The following XYLT1 variants were observed in gnomAD, a reference collection of about 807,000 sequenced individuals.
XYLT1 encodes the protein xylosyltransferase 1, also known as beta-D-xylosyltransferase 1.
In XYLT1, 36 loss-of-function variants were observed where a neutral mutation model predicts 91.3. The ratio of observed to expected loss-of-function variants is 0.39; its 90% CI spans 0.30 to 0.52. XYLT1 has a LOEUF of 0.52. XYLT1 is among the 20% of genes least tolerant of loss of function. The pLI, the probability that XYLT1 is intolerant of heterozygous loss-of-function variation, is 0.68. For synonymous variants in XYLT1, 588 were observed against 532.0 expected (o/e 1.11, Z -1.45); for missense variants, 1,242 against 1,284.5 (o/e 0.97, Z 0.51).
chr16:17,416,872 A>G (rs879797192), intron 1 of XYLT1, among the ~76,000 whole-genome samples: 8 of 152,198 alleles, frequency 5.3e-5, no homozygotes, highest in Non-Finnish European at 8.8e-5. Context: ...GCAAATGAGC[A>G]CGGACAGCCA....
chr16:17,317,635 A>C, intron 2 of XYLT1, among the ~76,000 whole-genome samples: 1 of 146,610 alleles, frequency 6.8e-6, no homozygotes, highest in African/African-American at 2.6e-5. Flanking sequence ...GTCTCAAAAA[A>C]AAAAAAAAAA....
chr16:17,115,864 T>G lies in XYLT1; in HGVS notation c.2557+1782A>C, dbSNP rs920827519. On this transcript the variant is annotated intron_variant, in intron 11 of 11. Transcript: ENST00000261381. ...ACTATTATCAGTAACATCATCATCA[T>G]CAGCAGCAACAACAGAAACTTATGT... Among the ~76,000 whole-genome samples, 53 of 131,928 alleles carry G rather than the reference T, an allele frequency of 4.0e-4. 1 individual carries two copies. The highest frequency in any genetic ancestry group is 1.6e-3 in the South Asian group (6 of 3,678). 86.5% of individuals were successfully genotyped at this position (131,928 alleles called of 152,430 possible). A position where few individuals can be genotyped will look rare whatever the true frequency, so the allele number is the denominator to read the frequency against.
intron 2 of XYLT1, among the ~76,000 whole-genome samples, chr16:17,288,073 G>T (rs746320951): frequency 6.6e-6 from 1 of 151,512 alleles, no homozygotes; most frequent in Non-Finnish European, 1.5e-5. Flanking sequence ...GAGACTACAG[G>T]CATACACCAC....
At chr16:17,357,314 G>A (rs116370624) in intron 2 of XYLT1, among the ~76,000 whole-genome samples, 2,258 of 151,858 alleles carry the variant, frequency 0.015, 46 homozygotes, top group African/African-American at 0.052. Flanking sequence ...CGTTTCAGAT[G>A]CGAAGACACT....
At chr16:17,449,196 T>G (rs532206513) in intron 1 of XYLT1, among the ~76,000 whole-genome samples, 108 of 152,316 alleles carry the variant, frequency 7.1e-4, no homozygotes, top group African/African-American at 2.6e-3. Context: ...TTCCACTCTC[T>G]CCTGCTGCCC....
At chr16:17,347,363 T>C (rs2035158201) in intron 2 of XYLT1, among the ~76,000 whole-genome samples, 1 of 151,796 alleles carries the variant, frequency 6.6e-6, no homozygotes, top group Admixed American at 6.5e-5. Flanking sequence ...GAAGAATGCC[T>C]TTACCAACTT....
At chr16:17,421,294 G>A (rs1181998749) in intron 1 of XYLT1, among the ~76,000 whole-genome samples, 1 of 152,184 alleles carries the variant, frequency 6.6e-6, no homozygotes, top group Non-Finnish European at 1.5e-5. Context: ...AGGAGTGACA[G>A]ACTGCATTTT....
At chr16:17,431,893 C>T (rs1161835726) in intron 1 of XYLT1, among the ~76,000 whole-genome samples, 4 of 152,202 alleles carry the variant, frequency 2.6e-5, no homozygotes, top group East Asian at 1.9e-4. Flanking sequence ...GCCATGGCTG[C>T]GGATCCTTCT....
intron 10 of XYLT1, among the ~76,000 whole-genome samples, chr16:17,123,424 T>C (rs2030142391): frequency 6.6e-6 from 1 of 152,182 alleles, no homozygotes; most frequent in African/African-American, 2.4e-5. Flanking sequence ...CTTTGCTGTA[T>C]CCCAGAAGTG....
Position 17,382,783 on chromosome 16 carries a change from C to T in XYLT1, c.364-24733G>A, listed in dbSNP as rs558705071. On this transcript the variant is annotated intron_variant, in intron 1 of 11. Transcript: ENST00000261381. ...AGATAACGGTCCCCATACTGGCACT[C>T]ACTATCCCAGACGTCTCGTGCAAGA... 1.3e-5 allele frequency among the ~76,000 whole-genome samples: 2 copies of T among 151,998 alleles called. 1 individual carries two copies. The highest frequency in any genetic ancestry group is 4.0e-4 in the East Asian group (2 of 5,022).
rs149747901 is a variant in XYLT1, at chr16:17,323,188, A to C, written c.402+34824T>G. On this transcript the variant is annotated intron_variant, in intron 2 of 11. Transcript: ENST00000261381. The stretch of plus-strand genomic sequence containing the variant: ...TCCAATCAACACTGGTTGAGTTCTA[A>C]TTGATTTTCTATGATATCCCTCTCC... 3.3e-5 allele frequency among the ~76,000 whole-genome samples: 5 copies of C among 152,300 alleles called. No individual in the cohort carries two copies. The East Asian group carries it at 9.7e-4, about 29-fold the overall frequency.
chr16:17,460,773 C>T (rs1263570642), intron 1 of XYLT1, among the ~76,000 whole-genome samples: 6 of 152,238 alleles, frequency 3.9e-5, no homozygotes, highest in African/African-American at 7.2e-5. Context: ...CGCTGTCTCA[C>T]GGCATATCCT....
At chr16:17,258,671 G>A (rs772461066) in intron 3 of XYLT1, among the ~76,000 whole-genome samples, 7 of 152,146 alleles carry the variant, frequency 4.6e-5, no homozygotes, top group South Asian at 2.1e-4. Flanking sequence ...AAAGAGAAAC[G>A]AAACCATATC....
chr16:17,290,595 C>T (rs1346170827), intron 2 of XYLT1, among the ~76,000 whole-genome samples: 1 of 152,264 alleles, frequency 6.6e-6, no homozygotes, highest in East Asian at 1.9e-4. Context: ...GTGTCAAAGC[C>T]TACCATGGAG....
intron 1 of XYLT1, among the ~76,000 whole-genome samples, chr16:17,465,732 C>A (rs2036888227): frequency 6.6e-6 from 1 of 152,214 alleles, no homozygotes; most frequent in Non-Finnish European, 1.5e-5. Flanking sequence ...GCACCCTACA[C>A]TGTACGGGAA....
intron 2 of XYLT1, among the ~76,000 whole-genome samples, chr16:17,301,730 A>G (rs1052359797): frequency 2.6e-5 from 4 of 152,144 alleles, no homozygotes; most frequent in African/African-American, 9.7e-5. Context: ...ACAGGTGGCG[A>G]ATGCTAATAT....
rs115096594 is a variant in XYLT1 at position 17,302,643 on chromosome 16, T to C, written c.403-43145A>G. 6.1e-3 allele frequency among the ~76,000 whole-genome samples: 926 copies of C among 152,350 alleles called. 13 individuals are homozygous for C. Among genetic ancestry groups the C allele is most frequent in the African/African-American group, 0.021 (886 of 41,582 alleles). On this transcript the variant is annotated intron_variant, in intron 2 of 11. Coordinates refer to ENST00000261381, the MANE Select transcript of XYLT1 (RefSeq NM_022166.4). The stretch of plus-strand genomic sequence containing the variant: ...CTATTCCAGCTCCAAGGTATGATGG[T>C]CCTATGGTTGTGTTTCCTTTCTTTG...
intron 2 of XYLT1, among the ~76,000 whole-genome samples, chr16:17,325,234 C>A (rs762046949): frequency 3.6e-4 from 54 of 152,056 alleles, no homozygotes; most frequent in Non-Finnish European, 6.9e-4. Context: ...CCTGTCTCTA[C>A]TAAAAATACA....
intron 2 of XYLT1, among the ~76,000 whole-genome samples, chr16:17,268,225 C>A (rs2033835199): frequency 1.3e-5 from 2 of 152,016 alleles, no homozygotes; most frequent in African/African-American, 4.8e-5. Flanking sequence ...CAGAGATTTG[C>A]AAAAAATGTA....
Sources: gnomAD v4.1 joint callset for allele counts (sites outside exome capture counted in the v4.1 genomes callset) on GRCh38, gnomAD v4.1.1 for gene constraint, MANE v1.5 for transcripts, NCBI Gene and HGNC (gene_info 2026-07-23, HGNC 2026-07-21) for gene names.